TAFA5: variants seen among roughly 807,000 people sequenced by gnomAD.
TAFA5 encodes TAFA chemokine like family member 5.
A neutral mutation model predicts 15.3 loss-of-function variants in TAFA5; 6 were observed. That is an observed-to-expected ratio of 0.39 (90% CI 0.21 to 0.77). The LOEUF (loss-of-function observed/expected upper bound fraction) is 0.77, where lower values mean the gene tolerates loss of function less well. TAFA5 is among the 30% of genes least tolerant of loss of function. The pLI, the probability that TAFA5 is intolerant of heterozygous loss-of-function variation, is 0.41. For synonymous variants in TAFA5, 103 were observed against 80.7 expected, an observed-to-expected ratio of 1.28 and a Z score of -1.48; for missense variants, 161 against 193.1, an observed-to-expected ratio of 0.83 and a Z score of 0.98.
At chr22:48,630,134 T>G (rs1215369506) in intron 1 of TAFA5, among the ~76,000 whole-genome samples, 2 of 150,628 alleles carry the variant, frequency 1.3e-5, no homozygotes, top group African/African-American at 2.5e-5. Flanking sequence ...CTAAATAGGG[T>G]GCTCTGCTTG....
intron 2 of TAFA5, among the ~76,000 whole-genome samples, chr22:48,704,200 GCACACA>G (rs61363637): frequency 0.3 from 44,707 of 150,122 alleles, 6,884 homozygotes; most frequent in African/African-American, 0.38. Context: ...ACACACACGC[GCACACA>G]CACACACACA....
chr22:48,522,614 A>G (rs1377786118), intron 1 of TAFA5, among the ~76,000 whole-genome samples: 1 of 152,152 alleles, frequency 6.6e-6, no homozygotes, highest in African/African-American at 2.4e-5. Context: ...CTCCCCAGGC[A>G]CAGGGCCTGA....
intron 2 of TAFA5, among the ~76,000 whole-genome samples, chr22:48,699,285 G>A (rs1037000651): frequency 6.6e-6 from 1 of 152,166 alleles, no homozygotes; most frequent in Non-Finnish European, 1.5e-5. Flanking sequence ...TCATTGTTCT[G>A]ATTACAATGT....
intron 1 of TAFA5, among the ~76,000 whole-genome samples, chr22:48,633,582 ATC>A (rs1926326503): frequency 1.6e-5 from 2 of 128,238 alleles, no homozygotes; most frequent in South Asian, 5.1e-4. Flanking sequence ...TTTGCTCTGT[ATC>A]TCTCTCTTTT....
chr22:48,747,219 G>T (rs749246181), intron 3 of TAFA5, among the ~76,000 whole-genome samples: 3 of 152,336 alleles, frequency 2.0e-5, no homozygotes, highest in East Asian at 1.9e-4. Context: ...AGCTCAGGAC[G>T]CCTGCTGGGA....
chr22:48,611,285 CCT>C (rs1181578892), intron 1 of TAFA5, among the ~76,000 whole-genome samples: 2 of 152,240 alleles, frequency 1.3e-5, no homozygotes, highest in Non-Finnish European at 2.9e-5. Flanking sequence ...CGAAATACAG[CCT>C]CTCTGCTCCC....
intron 1 of TAFA5, among the ~76,000 whole-genome samples, chr22:48,506,417 T>C (rs1055821251): frequency 6.6e-6 from 1 of 152,226 alleles, no homozygotes; most frequent in Admixed American, 6.5e-5. Context: ...TTGTGTGTGT[T>C]TCCTTTGGGG....
intron 1 of TAFA5, among the ~76,000 whole-genome samples, chr22:48,616,717 CT>C (rs1385414396): frequency 2.6e-5 from 4 of 152,220 alleles, no homozygotes; most frequent in Admixed American, 2.0e-4. Context: ...CTGTCTAGGG[CT>C]GCAGAAAGCC....
chr22:48,590,117 G>A (rs1448298809), intron 1 of TAFA5, among the ~76,000 whole-genome samples: 1 of 152,258 alleles, frequency 6.6e-6, no homozygotes, highest in East Asian at 1.9e-4. Flanking sequence ...ACCTGGAGGG[G>A]ACAGATGCTC....
chr22:48,639,722 A>G (rs1569059690), intron 1 of TAFA5, among the ~76,000 whole-genome samples: 2 of 151,990 alleles, frequency 1.3e-5, no homozygotes, highest in African/African-American at 4.8e-5. Flanking sequence ...GGGTCCAGCC[A>G]TCTCCCCTGT....
intron 3 of TAFA5, among the ~76,000 whole-genome samples, chr22:48,708,413 G>T (rs1929149834): frequency 6.6e-6 from 1 of 152,206 alleles, no homozygotes; most frequent in South Asian, 2.1e-4. Context: ...CAAAGCCACG[G>T]CTGACCTGGG....
intron 2 of TAFA5, among the ~76,000 whole-genome samples, chr22:48,702,325 G>T (rs1928935481): frequency 6.6e-6 from 1 of 152,124 alleles, no homozygotes; most frequent in Middle Eastern, 3.2e-3. Flanking sequence ...CCCAGGGCCT[G>T]GCTGGGCTGG....
chr22:48,703,096 C>T (rs28412384), intron 2 of TAFA5, among the ~76,000 whole-genome samples: 280 of 151,976 alleles, frequency 1.8e-3, no homozygotes, highest in African/African-American at 6.1e-3. Flanking sequence ...TGCATGTGTG[C>T]GTGTGTGCTG....
At chr22:48,732,567 T>G (rs1929899292) in intron 3 of TAFA5, among the ~76,000 whole-genome samples, 1 of 152,218 alleles carries the variant, frequency 6.6e-6, no homozygotes, top group Non-Finnish European at 1.5e-5. Context: ...AAAGTGTTTT[T>G]TTGACATGGA....
intron 3 of TAFA5, among the ~76,000 whole-genome samples, chr22:48,745,795 C>T (rs566785358): frequency 6.6e-6 from 1 of 152,178 alleles, no homozygotes. Flanking sequence ...AACCGTGGCT[C>T]TTCTGCCCCT....
intron 1 of TAFA5, among the ~76,000 whole-genome samples, chr22:48,511,934 G>A (rs1401662388): frequency 2.0e-5 from 3 of 152,248 alleles, no homozygotes; most frequent in Non-Finnish European, 2.9e-5. Flanking sequence ...TGTGGGGAAC[G>A]GTGCGCTCAC....
chr22:48,577,389 C>T (rs561466300), intron 1 of TAFA5, among the ~76,000 whole-genome samples: 57 of 152,274 alleles, frequency 3.7e-4, no homozygotes, highest in African/African-American at 1.3e-3. Context: ...CGGTGCACCC[C>T]GGGATCAGCC....
chr22:48,624,147 A>T (rs1483320548), intron 1 of TAFA5, among the ~76,000 whole-genome samples: 1 of 152,140 alleles, frequency 6.6e-6, no homozygotes, highest in East Asian at 1.9e-4. Flanking sequence ...GAAGTTGGGT[A>T]TTTTACTAAA....
chr22:48,557,436 C>T (rs1923079685), intron 1 of TAFA5, among the ~76,000 whole-genome samples: 1 of 152,188 alleles, frequency 6.6e-6, no homozygotes. Context: ...GCTGCGAGGA[C>T]ATGAGTTTCT....
Sources: allele counts gnomAD v4.1 joint callset (sites outside exome capture counted in the v4.1 genomes callset), GRCh38; gene constraint gnomAD v4.1.1; transcripts MANE v1.5; gene names NCBI Gene and HGNC (gene_info 2026-07-23, HGNC 2026-07-21).